The following LINGO2 variants were observed in gnomAD, a reference collection of about 807,000 sequenced individuals.
LINGO2 encodes the protein leucine rich repeat and Ig domain containing 2, also known as leucine-rich repeat and immunoglobulin-like domain-containing nogo receptor-interacting protein 2.
A neutral mutation model predicts 30.6 loss-of-function variants in LINGO2; 14 were observed. The observed-to-expected ratio is 0.46, with a 90% CI of 0.30 to 0.72. The LOEUF (loss-of-function observed/expected upper bound fraction) is 0.72, where lower values mean the gene tolerates loss of function less well. Among genes scored for constraint, LINGO2 ranks in the 30% least tolerant of loss-of-function variants. The pLI, the probability that LINGO2 is intolerant of heterozygous loss-of-function variation, is 0.07. For synonymous variants in LINGO2, 317 were observed against 288.5 expected (o/e 1.10, Z -1.00); for missense variants, 729 against 751.7 (o/e 0.97, Z 0.35).
At chr9:28,518,118 G>A (rs770703214) in intron 1 of LINGO2, among the ~76,000 whole-genome samples, 1 of 152,082 alleles carries the variant, frequency 6.6e-6, no homozygotes, top group Non-Finnish European at 1.5e-5. Flanking sequence ...AGCAGGAGAG[G>A]CTCAGAGAGA....
the LINGO2 span, among the ~76,000 whole-genome samples, chr9:28,767,766 A>G: frequency 4.9e-4 from 70 of 142,592 alleles, no homozygotes; most frequent in African/African-American, 1.7e-3. Context: ...AGCCTGGGCA[A>G]TAGAGCAAGA....
At chr9:28,983,623 A>G in the LINGO2 span, among the ~76,000 whole-genome samples, 3 of 151,928 alleles carry the variant, frequency 2.0e-5, no homozygotes, top group Non-Finnish European at 4.4e-5. Context: ...AACAGTGACT[A>G]CAAAATTCTA....
chr9:28,428,692 C>T (rs552624936), intron 2 of LINGO2, among the ~76,000 whole-genome samples: 11 of 152,148 alleles, frequency 7.2e-5, no homozygotes, highest in South Asian at 6.2e-4. Context: ...TGGGTTCAGA[C>T]GTAGTTGCTG....
intron 4 of LINGO2, among the ~76,000 whole-genome samples, chr9:28,210,319 T>C (rs942124707): frequency 1.3e-5 from 2 of 151,612 alleles, no homozygotes; most frequent in Admixed American, 6.6e-5. Flanking sequence ...ACCACAGATT[T>C]GTGAAGTAGA....
the LINGO2 span, among the ~76,000 whole-genome samples, chr9:28,778,253 C>A: frequency 8.6e-5 from 13 of 152,022 alleles, no homozygotes; most frequent in Non-Finnish European, 1.6e-4. Flanking sequence ...TTTCCTCTTG[C>A]CACTCTAAGT....
rs1411646980 is a variant in LINGO2, at chr9:28,355,283, CTCTCTCTCTCTCTA to C, written c.-246+17539_-246+17552del. On this transcript the variant is annotated intron_variant, in intron 3 of 5. Coordinates refer to ENST00000379992, the Ensembl canonical transcript of LINGO2. Reference sequence around the variant, plus strand: ...TCTGTCTCTCTCTCTGTCTCTGTCTCTCTCTCTCTCTCTATGTCTCTCTCTCTCTCTCTCTCTCT... The same window carrying C: ...TCTGTCTCTCTCTCTGTCTCTGTCTCTGTCTCTCTCTCTCTCTCTCTCTCT... Among the ~76,000 whole-genome samples the C allele has an allele frequency of 5.3e-3, 580 of 109,736 alleles. 25 individuals are homozygous for C. Among genetic ancestry groups the C allele is most frequent in the East Asian group, 0.02 (48 of 2,424 alleles). 72.0% of individuals were successfully genotyped at this position (109,736 alleles called of 152,430 possible).
chr9:28,905,305 T>A, the LINGO2 span, among the ~76,000 whole-genome samples: 1 of 147,006 alleles, frequency 6.8e-6, no homozygotes. Flanking sequence ...CTGAATTACA[T>A]TAAACTAAAA....
At chr9:28,033,570 A>T (rs1823785829) in intron 4 of LINGO2, among the ~76,000 whole-genome samples, 1 of 152,140 alleles carries the variant, frequency 6.6e-6, no homozygotes, top group African/African-American at 2.4e-5. Context: ...CAAAATGTCA[A>T]TTAGGTAATT....
At chr9:28,120,616 C>A (rs1443116593) in intron 4 of LINGO2, among the ~76,000 whole-genome samples, 1 of 152,162 alleles carries the variant, frequency 6.6e-6, no homozygotes, top group Non-Finnish European at 1.5e-5. Flanking sequence ...AATGAACTAC[C>A]AAATATCAGT....
chr9:27,977,693 T>C (rs1318285383), intron 5 of LINGO2, among the ~76,000 whole-genome samples: 1 of 151,704 alleles, frequency 6.6e-6, no homozygotes, highest in Admixed American at 6.6e-5. Flanking sequence ...TAAAGTGATC[T>C]CTAAACTTTT....
At chr9:28,939,459 A>T in the LINGO2 span, among the ~76,000 whole-genome samples, 1 of 152,024 alleles carries the variant, frequency 6.6e-6, no homozygotes, top group Non-Finnish European at 1.5e-5. Flanking sequence ...CATGGGTTTC[A>T]TATACTTGAC....
In LINGO2 at chr9:28,110,022, G is replaced by A. The variant is rs537861752; in HGVS notation, c.-86-97617C>T. The stretch of plus-strand genomic sequence containing the variant: ...CTACAAGACTACAGTAACCAAAACC[G>A]CATGGTACTGGTACCAAAACAGATA... On this transcript the variant is annotated intron_variant, in intron 4 of 5. Transcript: ENST00000379992. Among the ~76,000 whole-genome samples the A allele has an allele frequency of 1.6e-4, 25 of 152,140 alleles. No individual in the cohort carries two copies. The East Asian group carries it at 3.1e-3, about 19-fold the overall frequency.
chr9:28,866,116 T>C, the LINGO2 span, among the ~76,000 whole-genome samples: 1 of 152,166 alleles, frequency 6.6e-6, no homozygotes, highest in Non-Finnish European at 1.5e-5. Flanking sequence ...ACATTTTCTG[T>C]CAAATATGCT....
At chr9:28,554,519 A>G (rs1822529802) in intron 1 of LINGO2, among the ~76,000 whole-genome samples, 2 of 147,692 alleles carry the variant, frequency 1.4e-5, no homozygotes, top group African/African-American at 5.1e-5. Context: ...GTGACCTACA[A>G]AGAGACTTAG....
chr9:28,474,049 A>C (rs1421541769), intron 2 of LINGO2, among the ~76,000 whole-genome samples: 1 of 152,146 alleles, frequency 6.6e-6, no homozygotes, highest in African/African-American at 2.4e-5. Flanking sequence ...ACAGATGGTA[A>C]AATAATTATT....
intron 2 of LINGO2, among the ~76,000 whole-genome samples, chr9:28,402,880 A>C (rs948017564): frequency 6.6e-6 from 1 of 152,146 alleles, no homozygotes; most frequent in East Asian, 1.9e-4. Flanking sequence ...TTCATTGAAA[A>C]GAAGGTAGAA....
chr9:28,124,764 G>A (rs1200265142), intron 4 of LINGO2, among the ~76,000 whole-genome samples: 1 of 152,146 alleles, frequency 6.6e-6, no homozygotes, highest in Non-Finnish European at 1.5e-5. Flanking sequence ...GGGAGAGATG[G>A]AATAAATACA....
At chr9:29,029,985 G>A in the LINGO2 span, among the ~76,000 whole-genome samples, 471 of 151,836 alleles carry the variant, frequency 3.1e-3, 3 homozygotes, top group African/African-American at 9.9e-3. Context: ...CTACAATAAT[G>A]TGTAGCAACT....
the LINGO2 span, among the ~76,000 whole-genome samples, chr9:28,693,613 G>GA: frequency 1.3e-5 from 2 of 152,264 alleles, no homozygotes; most frequent in East Asian, 3.9e-4. Flanking sequence ...CAGATTTTGA[G>GA]AAGAGGCTTC....
Sources: gnomAD v4.1 joint callset for allele counts (sites outside exome capture counted in the v4.1 genomes callset) on GRCh38, gnomAD v4.1.1 for gene constraint, MANE v1.5 for transcripts, NCBI Gene and HGNC (gene_info 2026-07-23, HGNC 2026-07-21) for gene names.